The following NEK1 variants were observed in gnomAD, a reference collection of about 807,000 sequenced individuals.
NEK1 encodes serine/threonine-protein kinase Nek1.
NEK1 carries 137 observed loss-of-function variants against 182.1 expected under a neutral mutation model. The observed-to-expected ratio is 0.75, with a 90% CI of 0.65 to 0.87. NEK1 has a LOEUF of 0.87. Ranked by LOEUF, NEK1 falls within the 40% of genes least tolerant of loss-of-function variation. The probability of loss-of-function intolerance (pLI) is 0.00; values close to 1 mark genes in which losing one functional copy is unlikely to be tolerated. For missense variants in NEK1, 1,391 were observed against 1,494.4 expected (o/e 0.93, Z 1.14); for synonymous variants, 513 against 492.2 (o/e 1.04, Z -0.56).
intron 10 of NEK1, among the ~76,000 whole-genome samples, chr4:169,582,191 A>G (rs1228469461): frequency 6.6e-6 from 1 of 152,086 alleles, no homozygotes; most frequent in African/African-American, 2.4e-5. Flanking sequence ...ATTCTTGGTG[A>G]GAGAATCTTC....
At chr4:169,455,848 T>C (rs960243681) in intron 27 of NEK1, among the ~76,000 whole-genome samples, 1 of 152,176 alleles carries the variant, frequency 6.6e-6, no homozygotes, top group East Asian at 1.9e-4. Flanking sequence ...TTCATCTGTA[T>C]TGTAGACCAA....
At position 169,570,466 on chromosome 4, in the gene NEK1, GC is replaced by G. The variant is rs557302120; in HGVS notation, c.1020+6461del. Among the ~76,000 whole-genome samples, 20 of 150,216 alleles carry G rather than the reference GC, an allele frequency of 1.3e-4. No individual in the cohort carries two copies. In the East Asian group the frequency reaches 3.8e-3, roughly 28 times the overall value. On this transcript the variant is annotated intron_variant, in intron 12 of 35. Coordinates refer to ENST00000507142, the MANE Select transcript of NEK1 (RefSeq NM_001199397.3). ...GTCTGGGAGGGAGGTGGGGGGATCA[GC>G]CCCCCGCCCGGCCAGCCGCCCCGTC... is the stretch of plus-strand genomic sequence containing the variant.
chr4:169,438,031 T>G, intron 28 of NEK1, 52 bp downstream of exon 28: 1 of 1,383,450 alleles, frequency 7.2e-7, no homozygotes, highest in Non-Finnish European at 9.8e-7. Flanking sequence ...GCTTGTGAAA[T>G]TTAAGTTTTT....
Position 169,400,226 on chromosome 4 carries a change from T to A in NEK1, c.3846A>T (p.Glu1282Asp). ...TACAGACATGTGAGGAAATCTTACC[T>A]TCTTGGTAGGCTCCATCTGCCATGA... ...HLVMADGAYQ[E>D]DNDE Residue 1282 changes from glutamate (E) to aspartate (D), a missense_variant and splice_region_variant, in exon 35 of 36, where the codon GAA (glutamate) becomes GAT (aspartate). Physicochemically the swap from Glu to Asp is conservative, Grantham distance 45 (BLOSUM62 2). This residue lies in a region of NEK1 where 1,216 missense variants were observed against 1,277.6 expected (regional missense o/e 0.95). Transcript: ENST00000507142. 6.3e-7 allele frequency: 1 copy of A among 1,578,112 alleles called. No homozygotes were observed. Among genetic ancestry groups the A allele is most frequent in the Non-Finnish European group, 8.6e-7 (1 of 1,159,332 alleles).
intron 18 of NEK1, among the ~76,000 whole-genome samples, chr4:169,545,053 CTT>C (rs200190997): frequency 5.1e-5 from 7 of 137,886 alleles, no homozygotes; most frequent in Non-Finnish European, 6.2e-5. Flanking sequence ...TTCTCTGATT[CTT>C]TTTTTTTTTT....
chr4:169,526,952 A>G (rs1005796608), intron 19 of NEK1, among the ~76,000 whole-genome samples: 4 of 152,232 alleles, frequency 2.6e-5, no homozygotes, highest in Non-Finnish European at 5.9e-5. Context: ...ATAACCTTGT[A>G]AATTCAAGAA....
At chr4:169,605,250 C>T (rs1771146826) in intron 2 of NEK1, among the ~76,000 whole-genome samples, 1 of 152,162 alleles carries the variant, frequency 6.6e-6, no homozygotes. Context: ...CAAAAGTCCC[C>T]AGTGTTGCAT....
At chr4:169,485,211 CCAAA>C (rs747630858) in intron 23 of NEK1, among the ~76,000 whole-genome samples, 3 of 152,200 alleles carry the variant, frequency 2.0e-5, no homozygotes, top group South Asian at 4.1e-4. Context: ...GTCAACTAAA[CCAAA>C]CAGATTAGAA....
At chr4:169,424,509 T>C (rs369113366) in intron 31 of NEK1, 44 bp downstream of exon 31, 60 of 1,513,716 alleles carry the variant, frequency 4.0e-5, no homozygotes, top group Non-Finnish European at 5.2e-5. Flanking sequence ...CAATAATACA[T>C]GTTATCGAAT....
intron 31 of NEK1, among the ~76,000 whole-genome samples, chr4:169,415,518 A>G (rs185826952): frequency 2.0e-4 from 27 of 136,356 alleles, no homozygotes; most frequent in African/African-American, 9.7e-4. Flanking sequence ...CTTATACTCA[A>G]TATTAATAAC....
At chr4:169,406,570 C>A in intron 32 of NEK1, 26 bp downstream of exon 32, 3 of 1,505,700 alleles carry the variant, frequency 2.0e-6, no homozygotes, top group Non-Finnish European at 2.7e-6. Context: ...TCTTTTAATG[C>A]TGTTTACTAA....
At chr4:169,595,339 C>G (rs554779055) in intron 5 of NEK1, among the ~76,000 whole-genome samples, 2 of 152,206 alleles carry the variant, frequency 1.3e-5, no homozygotes, top group African/African-American at 2.4e-5. Flanking sequence ...GATGAGGAAG[C>G]CTTTTTTCTT....
intron 9 of NEK1, among the ~76,000 whole-genome samples, chr4:169,586,130 TTAAAG>T (rs1356666526): frequency 2.0e-5 from 3 of 151,962 alleles, no homozygotes; most frequent in Non-Finnish European, 1.5e-5. Context: ...AATATAAACT[TTAAAG>T]TAAAAAGAAA....
At chr4:169,534,495 C>A (rs1008609052) in intron 19 of NEK1, among the ~76,000 whole-genome samples, 3 of 152,176 alleles carry the variant, frequency 2.0e-5, no homozygotes, top group African/African-American at 7.2e-5. Flanking sequence ...TGCTCAAGAT[C>A]TAAAGAGGGT....
At position 169,400,225 on chromosome 4, in the gene NEK1, C is replaced by A; in HGVS notation, c.3847G>T (p.Asp1283Tyr). Residue 1283 changes from aspartate (D) to tyrosine (Y), a missense_variant and splice_region_variant, in exon 35 of 36, where the codon GAT (aspartate) becomes TAT (tyrosine). Coordinates refer to ENST00000507142, the MANE Select transcript of NEK1 (RefSeq NM_001199397.3). ...LVMADGAYQE[D>Y]NDE The stretch of plus-strand genomic sequence containing the variant: ...ATACAGACATGTGAGGAAATCTTAC[C>A]TTCTTGGTAGGCTCCATCTGCCATG... The A allele has an allele frequency of 6.3e-7, 1 of 1,577,320 alleles. No individual in the cohort carries two copies. The highest frequency in any genetic ancestry group is 2.3e-5 in the East Asian group (1 of 43,888).
intron 7 of NEK1, 36 bp from the exon 8 acceptor site, chr4:169,588,771 A>T: frequency 7.8e-7 from 1 of 1,289,442 alleles, no homozygotes; most frequent in Non-Finnish European, 1.1e-6. Flanking sequence ...GAAGTTAAAG[A>T]CACAGTCATG....
At chr4:169,461,860 T>C (rs1378349565) in intron 27 of NEK1, among the ~76,000 whole-genome samples, 2 of 152,144 alleles carry the variant, frequency 1.3e-5, no homozygotes, top group African/African-American at 2.4e-5. Flanking sequence ...TTTTCCTTTA[T>C]AGCTTACCAT....
rs1034003633 is a variant in NEK1, at chr4:169,561,332, G to A, written c.1266+148C>T. The stretch of plus-strand genomic sequence containing the variant: ...TATCAGATACATGCAGGAAAGCTAA[G>A]TATTCATAATAAATGTTAAAGAATT... On this transcript the variant is annotated intron_variant, in intron 16 of 35. Transcript: ENST00000507142. 3 of 683,570 alleles carry A rather than the reference G, an allele frequency of 4.4e-6. No homozygotes were observed. The African/African-American group carries it at 5.4e-5, about 12-fold the overall frequency. 42.3% of individuals were successfully genotyped at this position (683,570 alleles called of 1,614,324 possible).
chr4:169,559,791 C>G (rs1210323324), intron 16 of NEK1, among the ~76,000 whole-genome samples: 1 of 152,166 alleles, frequency 6.6e-6, no homozygotes, highest in Non-Finnish European at 1.5e-5. Flanking sequence ...AGGCAGGTCA[C>G]CTGAGGTCGG....
Sources: allele counts gnomAD v4.1 joint callset (sites outside exome capture counted in the v4.1 genomes callset), GRCh38; gene constraint gnomAD v4.1.1; regional missense constraint gnomAD v4.1.1; transcripts MANE v1.5; gene names NCBI Gene and HGNC (gene_info 2026-07-23, HGNC 2026-07-21).